NBPF11: variants seen among roughly 807,000 people sequenced by gnomAD.
The protein encoded by NBPF11 is NBPF family member NBPF11.
NBPF11 carries 72 observed loss-of-function variants against 93.9 expected under a neutral mutation model. The ratio of observed to expected loss-of-function variants is 0.77; its 90% CI spans 0.63 to 0.93. The LOEUF (loss-of-function observed/expected upper bound fraction) is 0.93, where lower values mean the gene tolerates loss of function less well. Among genes scored for constraint, NBPF11 ranks in the 40% least tolerant of loss-of-function variants. The pLI is 0.00. For missense variants in NBPF11, 705 were observed against 802.2 expected (o/e 0.88, Z 1.46); for synonymous variants, 224 against 304.9 (o/e 0.73, Z 2.76).
At chr1:148,117,205 G>T (rs1476341685) in intron 12 of NBPF11, among the ~76,000 whole-genome samples, 1 of 151,304 alleles carries the variant, frequency 6.6e-6, no homozygotes. Flanking sequence ...TTCACTCACC[G>T]ACAGTTACTA....
intron 3 of NBPF11, among the ~76,000 whole-genome samples, chr1:148,136,489 G>C (rs1671304456): frequency 6.7e-6 from 1 of 150,342 alleles, no homozygotes; most frequent in African/African-American, 2.5e-5. Context: ...CATTTTGAGT[G>C]CAATAGGAGC....
Position 148,109,504 on chromosome 1 carries a change from G to T in NBPF11, c.1802-169C>A. ...CTGAGGTCAAGTCTTGAGAAAACTG[G>T]CTTGGGTTCTTTCATGAGCCTTGGG... is the stretch of plus-strand genomic sequence containing the variant. On this transcript the variant is annotated intron_variant, in intron 16 of 23. Transcript: ENST00000682118. 3.1e-6 allele frequency: 2 copies of T among 638,036 alleles called. 1 individual carries two copies. The highest frequency in any genetic ancestry group is 3.6e-5 in the South Asian group (2 of 55,234). 39.5% of individuals were successfully genotyped at this position (638,036 alleles called of 1,614,324 possible).
At chr1:148,146,342 G>A in intron 1 of NBPF11, 1 of 1,441,020 alleles carries the variant, frequency 6.9e-7, no homozygotes, top group East Asian at 2.7e-5. Context: ...GCCAGGCCGG[G>A]CGGCGTTGTT....
chr1:148,138,094 C>T (rs1251798401), intron 2 of NBPF11, among the ~76,000 whole-genome samples: 5 of 150,582 alleles, frequency 3.3e-5, no homozygotes, highest in African/African-American at 7.4e-5. Flanking sequence ...CAGGTAAACA[C>T]GTGAACAAAT....
chr1:148,130,832 T>G (rs1275346792), intron 4 of NBPF11, among the ~76,000 whole-genome samples: 1 of 151,918 alleles, frequency 6.6e-6, no homozygotes, highest in Non-Finnish European at 1.5e-5. Flanking sequence ...AAGGAGCCAC[T>G]GTCACTTCAG....
chr1:148,141,380 T>G (rs1447734875), intron 2 of NBPF11, among the ~76,000 whole-genome samples: 2 of 151,978 alleles, frequency 1.3e-5, no homozygotes, highest in Non-Finnish European at 2.9e-5. Context: ...ATAGGGGAAA[T>G]TGTGTGCTGG....
At chr1:148,108,381 C>A (rs1372357426) in intron 18 of NBPF11, 101 bp downstream of exon 18, 6 of 789,922 alleles carry the variant, frequency 7.6e-6, no homozygotes, top group Non-Finnish European at 1.3e-5. Flanking sequence ...CTCCCTGTGG[C>A]AATGACATCT....
intron 4 of NBPF11, among the ~76,000 whole-genome samples, chr1:148,131,961 T>C (rs1275551928): frequency 8.5e-6 from 1 of 117,078 alleles, no homozygotes; most frequent in Non-Finnish European, 1.7e-5. Flanking sequence ...CTTATGGATA[T>C]GTACTGGTAT....
intron 4 of NBPF11, among the ~76,000 whole-genome samples, chr1:148,131,177 G>A (rs1430331326): frequency 0.11 from 14,891 of 139,484 alleles, 915 homozygotes; most frequent in South Asian, 0.19. Context: ...AAAAAAAAAA[G>A]AAGCCAGTGC....
In NBPF11 at chr1:148,152,047, G is replaced by T. The variant is rs1337528647; in HGVS notation, c.-846C>A. The T allele has an allele frequency of 6.6e-6, 1 of 152,104 alleles. No homozygotes were observed. The highest frequency in any genetic ancestry group is 2.4e-5 in the African/African-American group (1 of 41,316). 9.4% of individuals were successfully genotyped at this position (152,104 alleles called of 1,614,324 possible). A position where few individuals can be genotyped will look rare whatever the true frequency, so the allele number is the denominator to read the frequency against. ...GCGCAGCTGGGCCTTAAAGGGACCC[G>T]GCTGCCTCTACCGCACAGCGGGTTC... On this transcript the variant is annotated 5_prime_UTR_variant, in exon 1 of 24. Coordinates refer to ENST00000682118, the MANE Select transcript of NBPF11 (RefSeq NM_001385469.3).
At chr1:148,147,434 C>G (rs1160626109) in intron 1 of NBPF11, among the ~76,000 whole-genome samples, 1 of 152,052 alleles carries the variant, frequency 6.6e-6, no homozygotes, top group Non-Finnish European at 1.5e-5. Flanking sequence ...GAGGTCTGGG[C>G]CAGCCTCGAT....
intron 3 of NBPF11, among the ~76,000 whole-genome samples, chr1:148,136,866 G>C (rs1283858096): frequency 6.6e-6 from 1 of 151,926 alleles, no homozygotes; most frequent in Non-Finnish European, 1.5e-5. Flanking sequence ...ATTCACACCT[G>C]GTGTGGATGT....
chr1:148,132,723 C>CCTTT (rs1670621188), intron 4 of NBPF11, among the ~76,000 whole-genome samples: 5 of 33,214 alleles, frequency 1.5e-4, no homozygotes, highest in South Asian at 1.2e-3. Context: ...GTTGACTTTC[C>CCTTT]TTTTTTTTTT....
chr1:148,139,881 C>A (rs1671904695), intron 2 of NBPF11, among the ~76,000 whole-genome samples: 1 of 149,060 alleles, frequency 6.7e-6, no homozygotes, highest in South Asian at 2.1e-4. Flanking sequence ...CTGAGGGTAG[C>A]CTGGCTAGAA....
intron 14 of NBPF11, 133 bp downstream of exon 14, chr1:148,115,660 A>C: frequency 7.6e-6 from 10 of 1,319,094 alleles, no homozygotes; most frequent in Non-Finnish European, 1.1e-5. Flanking sequence ...AGGACAAAAA[A>C]ACTCCCTGAT....
At chr1:148,146,674 G>T (rs1558169280) in intron 1 of NBPF11, 1 of 1,611,778 alleles carries the variant, frequency 6.2e-7, no homozygotes, top group Non-Finnish European at 8.5e-7. Flanking sequence ...CACCAAGAGC[G>T]CCCGCGGCAA....
rs1446591713 is a variant in NBPF11, at chr1:148,123,681, A to C, written c.493+172T>G. ...ACACTTGCAATACTGTGACCTCCAA[A>C]CCGATGGGTTTCCCATTTCTGTTCT... On this transcript the variant is annotated intron_variant, in intron 7 of 23. Coordinates refer to ENST00000682118, the MANE Select transcript of NBPF11 (RefSeq NM_001385469.3). Among the ~76,000 whole-genome samples, 670 of 151,782 alleles carry C rather than the reference A, an allele frequency of 4.4e-3. 3 individuals carry two copies. The highest frequency in any genetic ancestry group is 6.8e-3 in the Middle Eastern group (2 of 294).
intron 1 of NBPF11, among the ~76,000 whole-genome samples, chr1:148,151,114 A>G (rs1391777829): frequency 6.6e-6 from 1 of 151,808 alleles, no homozygotes; most frequent in African/African-American, 2.4e-5. Flanking sequence ...CCTCAAAGAA[A>G]GACAGACAGG....
At chr1:148,143,995 G>A (rs1672590741) in intron 1 of NBPF11, among the ~76,000 whole-genome samples, 1 of 151,126 alleles carries the variant, frequency 6.6e-6, no homozygotes, top group Non-Finnish European at 1.5e-5. Context: ...TGAGTTAGAG[G>A]TTAGTGAGCT....
Sources: gnomAD v4.1 joint callset for allele counts (sites outside exome capture counted in the v4.1 genomes callset) on GRCh38, gnomAD v4.1.1 for gene constraint, MANE v1.5 for transcripts, NCBI Gene and HGNC (gene_info 2026-07-23, HGNC 2026-07-21) for gene names.